Variants in CANX observed in about 807,000 individuals in gnomAD.
The protein encoded by CANX is epididymis secretory sperm binding protein.
CANX carries 14 observed loss-of-function variants against 75.7 expected under a neutral mutation model. That is an observed-to-expected ratio of 0.19 (90% confidence interval 0.12 to 0.29). The LOEUF (loss-of-function observed/expected upper bound fraction) is 0.29. Ranked by LOEUF, CANX falls within the 10% of genes least tolerant of loss-of-function variation. The pLI, the probability that CANX is intolerant of heterozygous loss-of-function variation, is 1.00. For synonymous variants in CANX, 227 were observed against 236.9 expected, an observed-to-expected ratio of 0.96 and a Z score of 0.38; for missense variants, 567 against 713.2, an observed-to-expected ratio of 0.79 and a Z score of 2.34.
chr5:179,724,326 A>T (rs1275980838), intron 12 of CANX, among the ~76,000 whole-genome samples: 1 of 152,068 alleles, frequency 6.6e-6, no homozygotes, highest in East Asian at 1.9e-4. Flanking sequence ...TCTGGCATTC[A>T]TAGCACTTTG....
At position 179,716,218 on chromosome 5, in the gene CANX, C is replaced by T. The variant is rs2113217632; in HGVS notation, c.835C>T (p.Pro279Ser). 1 of 1,613,950 alleles carries T rather than the reference C, an allele frequency of 6.2e-7. No homozygotes were observed. The highest frequency in any genetic ancestry group is 1.3e-5 in the African/African-American group (1 of 75,002). Residue 279 changes from proline to serine, a missense_variant, in exon 8 of 15, where the codon CCA (proline) becomes TCA (serine). Physicochemically the swap from Pro to Ser is moderately conservative, Grantham distance 74 (BLOSUM62 -1). This residue lies in a region of CANX where 351 missense variants were observed against 433.8 expected (regional missense o/e 0.81). Transcript: ENST00000247461. ...AAATCCTTCACGTGAAATTGAGGAC[C>T]CAGAAGACCGGAAGCCCGAGGATTG... ...PVNPSREIED[P>S]EDRKPEDWDE...
At chr5:179,719,824 G>GTTT (rs747591749) in intron 9 of CANX, 43 bp downstream of exon 9, 2 of 1,092,156 alleles carry the variant, frequency 1.8e-6, no homozygotes, top group African/African-American at 1.6e-5. Context: ...TGGTTTTTTT[G>GTTT]TTTGTTTTTT....
intron 1 of CANX, chr5:179,679,089 TCTGCCACAGGCGGCTGG>T: frequency 1.3e-6 from 2 of 1,535,780 alleles, no homozygotes; most frequent in South Asian, 1.2e-5. Context: ...TGCTGCAGCG[TCTGCCACAGGCGGCTGG>T]CATGGCTCGT....
chr5:179,697,273 A>G (rs1776429157), upstream of CANX, among the ~76,000 whole-genome samples: 1 of 152,104 alleles, frequency 6.6e-6, no homozygotes, highest in African/African-American at 2.4e-5. Context: ...TATGTTGCCC[A>G]GGCTAGTCTT....
intron 1 of CANX, among the ~76,000 whole-genome samples, chr5:179,684,868 T>G (rs544034811): frequency 1.3e-5 from 2 of 150,036 alleles, no homozygotes; most frequent in East Asian, 3.9e-4. Context: ...GCAATTCTCC[T>G]GCCTCAGCCT....
At chr5:179,694,529 T>C (rs1281469718), upstream of CANX, 3 of 769,740 alleles carry the variant, frequency 3.9e-6, no homozygotes, top group African/African-American at 3.4e-5. Context: ...CCACAAACCC[T>C]GGCATCTCTA....
At chr5:179,708,798 T>A (rs539573653) in intron 5 of CANX, among the ~76,000 whole-genome samples, 180 bp from the exon 6 acceptor site, 3 of 152,356 alleles carry the variant, frequency 2.0e-5, no homozygotes, top group Admixed American at 6.5e-5. Flanking sequence ...CAATTTAATT[T>A]TATTTATTTT....
upstream of CANX, chr5:179,694,068 C>T (rs765516980): frequency 1.8e-4 from 28 of 155,194 alleles, no homozygotes; most frequent in Admixed American, 2.9e-4. Flanking sequence ...CGCTGGAACC[C>T]GGGAGGCCGA....
chr5:179,725,986 CA>C (rs796996311), intron 13 of CANX, among the ~76,000 whole-genome samples: 3,635 of 62,872 alleles, frequency 0.058, 58 homozygotes, highest in Non-Finnish European at 0.083. Flanking sequence ...GACTGAGTCT[CA>C]AAAAAAAAAA....
At chr5:179,692,254 T>C (rs527316178) in intron 1 of CANX, among the ~76,000 whole-genome samples, 1 of 152,160 alleles carries the variant, frequency 6.6e-6, no homozygotes, top group African/African-American at 2.4e-5. Context: ...TTTGTATTTT[T>C]AGTAGAGACA....
intron 10 of CANX, among the ~76,000 whole-genome samples, chr5:179,721,113 T>C (rs1462211670): frequency 6.6e-6 from 1 of 152,110 alleles, no homozygotes. Flanking sequence ...AGTCTCACTC[T>C]AGTGGCCAGG....
rs568582434 is a variant in CANX, at chr5:179,730,234, T to C, written c.*1590T>C. On this transcript the variant is annotated 3_prime_UTR_variant, in exon 15 of 15. Transcript: ENST00000247461. The stretch of plus-strand genomic sequence containing the variant: ...CCACAGTGTTTATATTGGGAAGATA[T>C]TGGGAAGGAAATATATTTGTAAAAG... 3 of 152,726 alleles carry C rather than the reference T, an allele frequency of 2.0e-5. No homozygotes were observed. Among genetic ancestry groups the C allele is most frequent in the African/African-American group, 7.2e-5 (3 of 41,568 alleles). The allele number at this position is 152,726 out of a possible 1,614,324, so 9.5% of individuals were successfully genotyped here. A position where few individuals can be genotyped will look rare whatever the true frequency, so the allele number is the denominator to read the frequency against.
chr5:179,691,920 G>A lies in CANX; in HGVS notation c.-4+13143G>A, dbSNP rs532713287. Among the ~76,000 whole-genome samples, 29 of 151,778 alleles carry A rather than the reference G, an allele frequency of 1.9e-4. No individual in the cohort carries two copies. In the East Asian group the frequency reaches 5.4e-3, roughly 28 times the overall value. On this transcript the variant is annotated intron_variant, in intron 1 of 14. Transcript: ENST00000681674. ...AGCCTCCCGAGTAGCTGGGACTACA[G>A]GCACCCGCCACCACGCCCGGCTAAT...
intron 1 of CANX, among the ~76,000 whole-genome samples, chr5:179,684,991 C>T (rs766416683): frequency 1.6e-5 from 2 of 128,904 alleles, no homozygotes; most frequent in East Asian, 2.7e-4. Context: ...TTGGCCCTGC[C>T]GGTCTTGAAC....
chr5:179,726,739 GAC>G lies in CANX; in HGVS notation c.1707_1708del (p.Asp569GlufsTer4), dbSNP rs1234211030. 2 of 1,612,618 alleles carry G rather than the reference GAC, an allele frequency of 1.2e-6. No individual in the cohort carries two copies. Among genetic ancestry groups the G allele is most frequent in the Non-Finnish European group, 1.7e-6 (2 of 1,178,718 alleles). On this transcript the variant is annotated frameshift_variant, in exon 14 of 15. Transcript: ENST00000247461. LOFTEE classifies it high-confidence loss of function. ...TGGCACTGTCAGTCAAGAGGAGGAA[GAC>G]AGAAAACCTAAAGCAGAGGTAAAGG... Reference protein sequence around the residue: ...DGGTVSQEEEDRKPKAEEDEI... With the variant: ...DGGTVSQEEEXRKPKAEEDEI...
chr5:179,718,558 C>T (rs1047630242), intron 8 of CANX, among the ~76,000 whole-genome samples: 14 of 142,762 alleles, frequency 9.8e-5, no homozygotes, highest in African/African-American at 2.6e-4. Flanking sequence ...GACGGAGCTT[C>T]GCTCTTGTCG....
In CANX at chr5:179,719,792, C is replaced by T. The variant is rs760408376; in HGVS notation, c.1025+11C>T. The T allele has an allele frequency of 5.6e-6, 8 of 1,428,136 alleles. No homozygotes were observed. Among genetic ancestry groups the T allele is most frequent in the Non-Finnish European group, 7.7e-6 (8 of 1,033,304 alleles). The allele number at this position is 1,428,136 out of a possible 1,614,324, so 88.5% of individuals were successfully genotyped here. A position where few individuals can be genotyped will look rare whatever the true frequency, so the allele number is the denominator to read the frequency against. On this transcript the variant is annotated intron_variant, in intron 9 of 14. Coordinates refer to ENST00000247461, the MANE Select transcript of CANX (RefSeq NM_001746.4). The stretch of plus-strand genomic sequence containing the variant: ...GAAACCTGAGGATTGGTAAGAACTT[C>T]AGTTAACTTTTTTTAATTACCTGGT...
chr5:179,690,915 G>A (rs1776289824), intron 1 of CANX, among the ~76,000 whole-genome samples: 1 of 151,920 alleles, frequency 6.6e-6, no homozygotes, highest in Non-Finnish European at 1.5e-5. Context: ...TAACATAAAT[G>A]TTAATTTGAC....
At chr5:179,679,263 C>G in intron 1 of CANX, 1 of 1,521,504 alleles carries the variant, frequency 6.6e-7, no homozygotes, top group Non-Finnish European at 8.8e-7. Flanking sequence ...CCAGGGGGCG[C>G]TGCTGGGAGA....
Sources: allele counts gnomAD v4.1 joint callset (sites outside exome capture counted in the v4.1 genomes callset), GRCh38; gene constraint gnomAD v4.1.1; regional missense constraint gnomAD v4.1.1; transcripts MANE v1.5; gene names NCBI Gene and HGNC (gene_info 2026-07-23, HGNC 2026-07-21).